TRMT11: variants seen among roughly 807,000 people sequenced by gnomAD.
TRMT11 encodes tRNA methyltransferase 11.
A neutral mutation model predicts 62.8 loss-of-function variants in TRMT11; 53 were observed. The ratio of observed to expected loss-of-function variants is 0.84; its 90% CI spans 0.68 to 1.06. The LOEUF (loss-of-function observed/expected upper bound fraction) is 1.06. Ranked by LOEUF, TRMT11 falls within the 50% of genes least tolerant of loss-of-function variation. The pLI is 0.00. For synonymous variants in TRMT11, 188 were observed against 190.3 expected (o/e 0.99, Z 0.10); for missense variants, 556 against 553.4 (o/e 1.00, Z -0.05).
downstream of TRMT11, among the ~76,000 whole-genome samples, chr6:126,204,884 T>C (rs1778774864): frequency 6.6e-6 from 1 of 152,226 alleles, no homozygotes; most frequent in African/African-American, 2.4e-5. Flanking sequence ...TGTTGGCCTT[T>C]TGATAGAATC....
intron 21 of TRMT11, among the ~76,000 whole-genome samples, chr6:126,159,975 T>C (rs1778170519): frequency 6.6e-6 from 1 of 152,170 alleles, no homozygotes; most frequent in Non-Finnish European, 1.5e-5. Context: ...TGTGAAATAA[T>C]ACAATTTTAC....
intron 5 of TRMT11, 98 bp downstream of exon 5, chr6:125,998,413 G>C: frequency 8.0e-7 from 1 of 1,250,228 alleles, no homozygotes; most frequent in Non-Finnish European, 1.1e-6. Context: ...TGTTTATTTT[G>C]TACCACATTT....
At chr6:126,057,450 G>A (rs1308320808) in intron 17 of TRMT11, among the ~76,000 whole-genome samples, 2 of 152,250 alleles carry the variant, frequency 1.3e-5, no homozygotes, top group Non-Finnish European at 2.9e-5. Flanking sequence ...ATTAGGGGAT[G>A]TCTAGAGAAA....
intron 21 of TRMT11, among the ~76,000 whole-genome samples, chr6:126,128,167 T>C (rs565353691): frequency 1.3e-5 from 2 of 152,232 alleles, no homozygotes; most frequent in East Asian, 1.9e-4. Context: ...TTGGAATACA[T>C]GTGGCTGCTT....
chr6:126,013,831 C>A (rs1271521844), intron 11 of TRMT11, among the ~76,000 whole-genome samples: 1 of 152,218 alleles, frequency 6.6e-6, no homozygotes, highest in Non-Finnish European at 1.5e-5. Context: ...GTACCCTACA[C>A]TTAGCTTAGT....
At chr6:126,056,722 G>C (rs574109891) in intron 17 of TRMT11, among the ~76,000 whole-genome samples, 2 of 152,222 alleles carry the variant, frequency 1.3e-5, no homozygotes, top group Non-Finnish European at 2.9e-5. Flanking sequence ...GGCAGAGCTT[G>C]CCATTTACTT....
chr6:126,187,308 T>C (rs1355225547), intron 1 of TRMT11, among the ~76,000 whole-genome samples: 2 of 151,976 alleles, frequency 1.3e-5, no homozygotes, highest in African/African-American at 4.8e-5. Flanking sequence ...TGAATTGTTA[T>C]ATACTGGCAG....
the TRMT11 span, among the ~76,000 whole-genome samples, chr6:126,216,660 G>A: frequency 6.6e-6 from 1 of 152,092 alleles, no homozygotes; most frequent in Non-Finnish European, 1.5e-5. Context: ...TTGCCACCTT[G>A]AAGATCCTTT....
intron 1 of TRMT11, among the ~76,000 whole-genome samples, chr6:126,189,642 C>T (rs1463166614): frequency 1.3e-5 from 2 of 152,080 alleles, no homozygotes; most frequent in Non-Finnish European, 2.9e-5. Flanking sequence ...ATAGGTTTCA[C>T]TTTGCCTATA....
chr6:126,182,234 A>AT (rs34392681), intron 1 of TRMT11, among the ~76,000 whole-genome samples: 1 of 152,196 alleles, frequency 6.6e-6, no homozygotes, highest in Admixed American at 6.5e-5. Flanking sequence ...TGAGGGAAAG[A>AT]TTTTGGGGAA....
At chr6:126,256,779 C>T in the TRMT11 span, among the ~76,000 whole-genome samples, 1 of 152,172 alleles carries the variant, frequency 6.6e-6, no homozygotes, top group Non-Finnish European at 1.5e-5. Context: ...CCACTGTGCT[C>T]TTGGCTTTAC....
chr6:126,058,681 G>C (rs548771514), intron 17 of TRMT11, among the ~76,000 whole-genome samples: 1 of 152,146 alleles, frequency 6.6e-6, no homozygotes, highest in African/African-American at 2.4e-5. Context: ...CCGCTAGCCA[G>C]ACTAATAAGA....
At chr6:125,997,968 C>A in intron 3 of TRMT11, 85 bp from the exon 4 acceptor site, 1 of 913,418 alleles carries the variant, frequency 1.1e-6, no homozygotes, top group Non-Finnish European at 1.8e-6. Flanking sequence ...GTGGAGTGTG[C>A]ATAAAGAACT....
chr6:126,166,758 A>G (rs1006970810), intron 21 of TRMT11, among the ~76,000 whole-genome samples: 2 of 152,082 alleles, frequency 1.3e-5, no homozygotes, highest in Admixed American at 6.5e-5. Flanking sequence ...TGGGAGTTTT[A>G]TCTATAAGCC....
intron 12 of TRMT11, among the ~76,000 whole-genome samples, chr6:126,026,532 G>T (rs1054412436): frequency 5.3e-5 from 8 of 151,812 alleles, no homozygotes; most frequent in Non-Finnish European, 8.8e-5. Context: ...GACTACAGGC[G>T]TGTGCCACCA....
intron 17 of TRMT11, among the ~76,000 whole-genome samples, chr6:126,105,888 A>C (rs1298847509): frequency 6.6e-6 from 1 of 152,182 alleles, no homozygotes. Context: ...CCTGGCTCCC[A>C]GTACAGAGAA....
chr6:126,160,369 A>C (rs1389147584), intron 21 of TRMT11, among the ~76,000 whole-genome samples: 1 of 152,132 alleles, frequency 6.6e-6, no homozygotes, highest in Non-Finnish European at 1.5e-5. Flanking sequence ...AGTGTCTCAG[A>C]GTTGTTGCTA....
At chr6:126,270,945 T>C in the TRMT11 span, among the ~76,000 whole-genome samples, 1 of 152,228 alleles carries the variant, frequency 6.6e-6, no homozygotes, top group Non-Finnish European at 1.5e-5. Context: ...TTTGGTCACA[T>C]TTTGCTGATT....
chr6:126,197,037 T>A (rs1478244838), intron 1 of TRMT11, among the ~76,000 whole-genome samples: 1 of 152,208 alleles, frequency 6.6e-6, no homozygotes, highest in Non-Finnish European at 1.5e-5. Flanking sequence ...CTATTTTGAA[T>A]TGAGTTTTTG....
Sources: allele counts gnomAD v4.1 joint callset (sites outside exome capture counted in the v4.1 genomes callset), GRCh38; gene constraint gnomAD v4.1.1; transcripts MANE v1.5; gene names NCBI Gene and HGNC (gene_info 2026-07-23, HGNC 2026-07-21).